WRN: variants seen among roughly 807,000 people sequenced by gnomAD.
WRN encodes the protein bifunctional 3'-5' exonuclease/ATP-dependent helicase WRN.
A neutral mutation model predicts 180.7 loss-of-function variants in WRN; 149 were observed. The ratio of observed to expected loss-of-function variants is 0.82; its 90% confidence interval spans 0.72 to 0.94. WRN has a LOEUF of 0.94. Among genes scored for constraint, WRN ranks in the 40% least tolerant of loss-of-function variants. WRN has a pLI of 0.00. For synonymous variants in WRN, 548 were observed against 568.9 expected, an observed-to-expected ratio of 0.96 and a Z score of 0.52; for missense variants, 1,661 against 1,700.1, an observed-to-expected ratio of 0.98 and a Z score of 0.40.
intron 30 of WRN, among the ~76,000 whole-genome samples, chr8:31,149,421 A>C (rs1445197233): frequency 6.7e-6 from 1 of 149,198 alleles, no homozygotes; most frequent in Non-Finnish European, 1.5e-5. Context: ...AATAAAAATA[A>C]ATAAATATTC....
rs1294833776 is a variant in WRN at position 31,083,755 on chromosome 8, A to G, written c.1326A>G (p.Glu442=). The G allele has an allele frequency of 6.2e-7, 1 of 1,605,984 alleles. No homozygotes were observed. The highest frequency in any genetic ancestry group is 1.3e-5 in the African/African-American group (1 of 74,828). Reference sequence around the variant, plus strand: ...CGTCCTATGTAATTGAGAGTGATGAAGATTTAGAAATGGAGATGCTTAAGG... The same window carrying G: ...CGTCCTATGTAATTGAGAGTGATGAGGATTTAGAAATGGAGATGCTTAAGG... The part of the protein sequence containing the change: ...NDTSYVIESD[E]DLEMEMLKHL... The change falls in exon 10 of 35, where the codon GAA becomes GAG. Residue 442 remains glutamate, a synonymous_variant. Coordinates refer to ENST00000298139, the MANE Select transcript of WRN (RefSeq NM_000553.6).
intron 33 of WRN, among the ~76,000 whole-genome samples, chr8:31,162,783 C>T (rs568458881): frequency 4.6e-5 from 7 of 152,160 alleles, no homozygotes; most frequent in Admixed American, 1.3e-4. Context: ...GGCTGCCCGT[C>T]GTTGACTGCA....
chr8:31,076,714 T>C (rs1813108743), intron 8 of WRN, among the ~76,000 whole-genome samples: 1 of 152,204 alleles, frequency 6.6e-6, no homozygotes, highest in Non-Finnish European at 1.5e-5. Flanking sequence ...AAAAGCAATG[T>C]CATATTTAGT....
intron 16 of WRN, among the ~76,000 whole-genome samples, chr8:31,094,327 A>G (rs1312429968): frequency 6.7e-6 from 1 of 148,412 alleles, no homozygotes; most frequent in Non-Finnish European, 1.5e-5. Context: ...GTCATTCCCT[A>G]TTTTCCCTTT....
At chr8:31,081,413 C>T (rs1463061041) in intron 9 of WRN, 117 bp downstream of exon 9, 1 of 1,045,392 alleles carries the variant, frequency 9.6e-7, no homozygotes, top group Non-Finnish European at 1.4e-6. Context: ...GTCTCTGTTG[C>T]AGTAACTCAG....
At chr8:31,076,055 G>T in intron 7 of WRN, 118 bp from the exon 8 acceptor site, 2 of 827,838 alleles carry the variant, frequency 2.4e-6, no homozygotes, top group Non-Finnish European at 4.0e-6. Flanking sequence ...TCTTTTTGTT[G>T]GAATTCATTT....
intron 20 of WRN, 65 bp from the exon 21 acceptor site, chr8:31,120,178 G>T: frequency 6.3e-7 from 1 of 1,579,366 alleles, no homozygotes; most frequent in Non-Finnish European, 8.7e-7. Context: ...TTACAAAAAG[G>T]TATAAATGTA....
intron 18 of WRN, among the ~76,000 whole-genome samples, chr8:31,110,264 G>C (rs974911152): frequency 5.3e-5 from 8 of 152,104 alleles, no homozygotes; most frequent in Non-Finnish European, 8.8e-5. Context: ...AGATTAGCTT[G>C]TTCATCTTTA....
At position 31,081,123 on chromosome 8, in the gene WRN, A is replaced by G. The variant is rs2130119772; in HGVS notation, c.1096A>G (p.Lys366Glu). The G allele has an allele frequency of 3.7e-6, 6 of 1,614,100 alleles. No individual in the cohort carries two copies. The highest frequency in any genetic ancestry group is 5.1e-6 in the Non-Finnish European group (6 of 1,179,984). ...KHDGEDVLGN[K>E]VERKEDGFED... ...TGATGGAGAAGATGTACTTGGAAAT[A>G]AAGTGGAACGAAAAGAAGATGGATT... Residue 366 changes from lysine to glutamate, a missense_variant, in exon 9 of 35, where the codon AAA (lysine) becomes GAA (glutamate). Coordinates refer to ENST00000298139, the MANE Select transcript of WRN (RefSeq NM_000553.6).
chr8:31,054,248 G>GA (rs1327217416), intron 1 of WRN, among the ~76,000 whole-genome samples: 1 of 152,046 alleles, frequency 6.6e-6, no homozygotes, highest in African/African-American at 2.4e-5. Flanking sequence ...AATGGAAAAA[G>GA]AAAAAGAGGA....
chr8:31,084,159 C>T (rs542884508), intron 10 of WRN, among the ~76,000 whole-genome samples: 7 of 152,094 alleles, frequency 4.6e-5, no homozygotes, highest in Middle Eastern at 3.4e-3. Context: ...CCACCATGCC[C>T]GGCTAATTTT....
intron 33 of WRN, among the ~76,000 whole-genome samples, chr8:31,158,690 C>A (rs1803485737): frequency 6.6e-6 from 1 of 152,018 alleles, no homozygotes; most frequent in African/African-American, 2.4e-5. Context: ...TTAAATGGAT[C>A]TGAGCAAAAA....
chr8:31,101,208 C>A (rs749539908), intron 18 of WRN, among the ~76,000 whole-genome samples: 1 of 152,170 alleles, frequency 6.6e-6, no homozygotes, highest in African/African-American at 2.4e-5. Context: ...CACATGTAGT[C>A]TGTATCACAT....
At chr8:31,085,116 A>G (rs1813476901) in intron 10 of WRN, 50 bp from the exon 11 acceptor site, 2 of 1,586,922 alleles carry the variant, frequency 1.3e-6, no homozygotes, top group African/African-American at 2.7e-5. Context: ...AGAAAAGAGG[A>G]TATGAAGTCA....
chr8:31,140,016 T>TG (rs1563375381), intron 24 of WRN, among the ~76,000 whole-genome samples: 1 of 122,016 alleles, frequency 8.2e-6, no homozygotes, highest in African/African-American at 3.1e-5. Flanking sequence ...TTTTTTTTTT[T>TG]TTTTTTTTTT....
chr8:31,061,634 A>T (rs1485073815), intron 3 of WRN, among the ~76,000 whole-genome samples: 1 of 151,882 alleles, frequency 6.6e-6, no homozygotes, highest in African/African-American at 2.4e-5. Flanking sequence ...TTACCTGAAG[A>T]TCAACTTTAT....
At position 31,150,449 on chromosome 8, in the gene WRN, TG is replaced by T. The variant is rs1563382597; in HGVS notation, c.3682del (p.Val1228PhefsTer20). The T allele has an allele frequency of 6.2e-7, 1 of 1,614,070 alleles. No homozygotes were observed. The highest frequency in any genetic ancestry group is 8.5e-7 in the Non-Finnish European group (1 of 1,179,938). The part of the protein sequence containing the change: ...VIKHFCQTNS[V>X]QTDLFSSTKP... The stretch of plus-strand genomic sequence containing the variant: ...TCAAACATTTCTGCCAAACAAATAG[TG>T]TTCAGGTAAAATACTGTGGTTTGCA... On this transcript the variant is annotated frameshift_variant, in exon 31 of 35. Transcript: ENST00000298139. LOFTEE classifies it high-confidence loss of function.
At chr8:31,123,405 T>C (rs1394130837) in intron 21 of WRN, among the ~76,000 whole-genome samples, 1 of 152,096 alleles carries the variant, frequency 6.6e-6, no homozygotes, top group Non-Finnish European at 1.5e-5. Flanking sequence ...CGTCTTGGAA[T>C]GTATCCCTTG....
At chr8:31,116,272 G>T (rs1312170648) in intron 19 of WRN, 82 bp from the exon 20 acceptor site, 1 of 1,402,362 alleles carries the variant, frequency 7.1e-7, no homozygotes, top group East Asian at 2.4e-5. Flanking sequence ...TAGAAAGGAA[G>T]AATTAAATAA....
Sources: allele counts gnomAD v4.1 joint callset (sites outside exome capture counted in the v4.1 genomes callset), GRCh38; gene constraint gnomAD v4.1.1; transcripts MANE v1.5; gene names NCBI Gene and HGNC (gene_info 2026-07-23, HGNC 2026-07-21).